The following DNAJC1 variants were observed in gnomAD, a reference collection of about 807,000 sequenced individuals.
The protein encoded by DNAJC1 is dnaJ homolog subfamily C member 1.
DNAJC1 carries 58 observed loss-of-function variants against 76.6 expected under a neutral mutation model. The observed-to-expected ratio is 0.76, with a 90% CI of 0.61 to 0.94. DNAJC1 has a LOEUF of 0.94. Among genes scored for constraint, DNAJC1 ranks in the 40% least tolerant of loss-of-function variants. The pLI, the probability that DNAJC1 is intolerant of heterozygous loss-of-function variation, is 0.00. For missense variants in DNAJC1, 689 were observed against 677.3 expected, an observed-to-expected ratio of 1.02 and a Z score of -0.19; for synonymous variants, 258 against 267.9, an observed-to-expected ratio of 0.96 and a Z score of 0.36.
chr10:21,957,890 T>A (rs1253662371), intron 1 of DNAJC1, among the ~76,000 whole-genome samples: 2 of 152,208 alleles, frequency 1.3e-5, no homozygotes, highest in Non-Finnish European at 2.9e-5. Flanking sequence ...GTACATTAAG[T>A]GACGGCAAAC....
intron 8 of DNAJC1, among the ~76,000 whole-genome samples, chr10:21,824,472 T>C (rs1002761824): frequency 2.0e-5 from 3 of 152,160 alleles, no homozygotes; most frequent in Non-Finnish European, 4.4e-5. Flanking sequence ...GGAAATACAT[T>C]TGAGTACACG....
At chr10:21,879,372 C>A (rs1326755972) in intron 8 of DNAJC1, among the ~76,000 whole-genome samples, 1 of 152,148 alleles carries the variant, frequency 6.6e-6, no homozygotes, top group Non-Finnish European at 1.5e-5. Flanking sequence ...ACCTATAATC[C>A]CAGCACTTTA....
chr10:21,939,740 G>A (rs1473594157), intron 1 of DNAJC1, among the ~76,000 whole-genome samples: 2 of 152,006 alleles, frequency 1.3e-5, no homozygotes, highest in East Asian at 1.9e-4. Flanking sequence ...TGCATTTCTC[G>A]AAATGTATCC....
At chr10:21,833,313 T>C (rs992659865) in intron 8 of DNAJC1, among the ~76,000 whole-genome samples, 3 of 151,762 alleles carry the variant, frequency 2.0e-5, no homozygotes, top group Non-Finnish European at 4.4e-5. Context: ...CTACTAAAAA[T>C]ACAAAAAATC....
At chr10:21,806,424 C>G (rs1319123761) in intron 8 of DNAJC1, among the ~76,000 whole-genome samples, 1 of 151,788 alleles carries the variant, frequency 6.6e-6, no homozygotes, top group East Asian at 1.9e-4. Flanking sequence ...AAACCATTCT[C>G]AAAGCTTATG....
chr10:21,900,908 C>A (rs1337472591), intron 7 of DNAJC1, among the ~76,000 whole-genome samples: 1 of 152,164 alleles, frequency 6.6e-6, no homozygotes, highest in Non-Finnish European at 1.5e-5. Context: ...CCCTACCAAC[C>A]CCTGAATCAA....
chr10:21,793,419 T>C (rs1352115368), intron 9 of DNAJC1, among the ~76,000 whole-genome samples: 1 of 152,232 alleles, frequency 6.6e-6, no homozygotes, highest in African/African-American at 2.4e-5. Context: ...CAAGTATGCC[T>C]GCACTCACCA....
At chr10:21,790,708 T>C (rs1018416580) in intron 9 of DNAJC1, among the ~76,000 whole-genome samples, 5 of 151,890 alleles carry the variant, frequency 3.3e-5, no homozygotes, top group Non-Finnish European at 5.9e-5. Context: ...CTCAAAAGTA[T>C]AAAATTCACT....
At chr10:21,913,792 A>G (rs1836907790) in intron 6 of DNAJC1, among the ~76,000 whole-genome samples, 1 of 152,202 alleles carries the variant, frequency 6.6e-6, no homozygotes, top group African/African-American at 2.4e-5. Flanking sequence ...CACGGGAGCT[A>G]TATTTTAAAT....
At position 21,987,357 on chromosome 10, in the gene DNAJC1, A is replaced by G. The variant is rs533439611; in HGVS notation, c.222+15856T>C. Among the ~76,000 whole-genome samples the G allele has an allele frequency of 3.3e-5, 5 of 152,322 alleles. No individual in the cohort carries two copies. The South Asian group carries it at 1.0e-3, about 32-fold the overall frequency. ...TATGAGGATTTAAAGAGTAAATACA[A>G]TAATATAGTTGGTTGTTCATTAGTA... On this transcript the variant is annotated intron_variant, in intron 1 of 11. Transcript: ENST00000376980.
At chr10:21,971,899 A>G (rs774298216) in intron 1 of DNAJC1, among the ~76,000 whole-genome samples, 11 of 151,930 alleles carry the variant, frequency 7.2e-5, no homozygotes, top group Non-Finnish European at 1.3e-4. Context: ...ACAGATTTCA[A>G]ATATGTAAGA....
chr10:21,839,427 T>C (rs541629567), intron 8 of DNAJC1, among the ~76,000 whole-genome samples: 63 of 152,116 alleles, frequency 4.1e-4, no homozygotes, highest in Non-Finnish European at 7.1e-4. Context: ...ATATCACCAC[T>C]GATCCCACAG....
intron 1 of DNAJC1, among the ~76,000 whole-genome samples, chr10:21,946,049 CTTTTTTTT>C (rs71510915): frequency 2.1e-5 from 2 of 93,306 alleles, no homozygotes; most frequent in African/African-American, 8.6e-5. Context: ...TTCTTTTCCT[CTTTTTTTT>C]TTTTTTTTTT....
intron 8 of DNAJC1, among the ~76,000 whole-genome samples, chr10:21,834,002 C>A (rs982715332): frequency 6.6e-6 from 1 of 151,934 alleles, no homozygotes; most frequent in Non-Finnish European, 1.5e-5. Flanking sequence ...CGGTGGCTCA[C>A]ACCTGTAATC....
intron 1 of DNAJC1, among the ~76,000 whole-genome samples, chr10:21,950,331 A>G (rs779087354): frequency 1.9e-4 from 29 of 152,234 alleles, no homozygotes; most frequent in Admixed American, 5.2e-4. Flanking sequence ...CTTTGATATT[A>G]CCATTGTAAT....
chr10:21,825,359 C>T (rs1425381704), intron 8 of DNAJC1, among the ~76,000 whole-genome samples: 1 of 152,246 alleles, frequency 6.6e-6, no homozygotes, highest in Non-Finnish European at 1.5e-5. Context: ...CCCAGTGTAG[C>T]ATCTACCAGT....
intron 1 of DNAJC1, among the ~76,000 whole-genome samples, chr10:21,997,714 G>C (rs557129407): frequency 1.3e-5 from 2 of 152,188 alleles, no homozygotes; most frequent in Non-Finnish European, 2.9e-5. Flanking sequence ...GAAAATACAG[G>C]CCGAATGAGC....
intron 3 of DNAJC1, among the ~76,000 whole-genome samples, chr10:21,924,505 C>T (rs574869395): frequency 9.2e-5 from 14 of 151,828 alleles, no homozygotes; most frequent in African/African-American, 2.4e-4. Flanking sequence ...ATTACTAAAG[C>T]GCAATCTAGT....
At chr10:21,831,529 G>T (rs1313853092) in intron 8 of DNAJC1, among the ~76,000 whole-genome samples, 2 of 152,084 alleles carry the variant, frequency 1.3e-5, no homozygotes, top group Non-Finnish European at 2.9e-5. Flanking sequence ...AGTGGCTTGC[G>T]CCTGTAATCC....
Sources: allele counts gnomAD v4.1 joint callset (sites outside exome capture counted in the v4.1 genomes callset), GRCh38; gene constraint gnomAD v4.1.1; transcripts MANE v1.5; gene names NCBI Gene and HGNC (gene_info 2026-07-23, HGNC 2026-07-21).